The following BMPR2 variants were observed in gnomAD, a reference collection of about 807,000 sequenced individuals.
BMPR2 encodes bone morphogenetic protein receptor type 2, also known as bone morphogenetic protein receptor type-2.
A neutral mutation model predicts 100.8 loss-of-function variants in BMPR2; 29 were observed. That is an observed-to-expected ratio of 0.29 (90% CI 0.21 to 0.39). The LOEUF is 0.39. Among genes scored for constraint, BMPR2 ranks in the 10% least tolerant of loss-of-function variants. BMPR2 has a pLI of 1.00. For missense variants in BMPR2, 1,011 were observed against 1,274.5 expected (o/e 0.79, Z 3.15); for synonymous variants, 382 against 442.3 (o/e 0.86, Z 1.71).
chr2:202,541,536 G>A (rs1031436878), intron 9 of BMPR2, among the ~76,000 whole-genome samples: 3 of 152,154 alleles, frequency 2.0e-5, no homozygotes, highest in African/African-American at 4.8e-5. Flanking sequence ...TAGAACCAAT[G>A]ATGTAATGAG....
chr2:202,414,762 CAG>C (rs1287668846), intron 1 of BMPR2, among the ~76,000 whole-genome samples: 4 of 152,126 alleles, frequency 2.6e-5, no homozygotes, highest in African/African-American at 7.2e-5. Flanking sequence ...CTTTTGGAGA[CAG>C]AGTCTCCCTC....
At chr2:202,398,469 CAGG>C (rs1000211927) in intron 1 of BMPR2, among the ~76,000 whole-genome samples, 1 of 152,162 alleles carries the variant, frequency 6.6e-6, no homozygotes, top group Non-Finnish European at 1.5e-5. Flanking sequence ...ATGAAGGAGG[CAGG>C]AGGCCATTTA....
intron 1 of BMPR2, among the ~76,000 whole-genome samples, chr2:202,405,509 A>C (rs1334919574): frequency 2.0e-5 from 3 of 151,976 alleles, no homozygotes; most frequent in Admixed American, 2.0e-4. Flanking sequence ...TAACACGGTG[A>C]AACCCCGTCT....
rs146027217 is a variant in BMPR2 at position 202,559,716 on chromosome 2, G to C, written c.2887G>C (p.Gly963Arg). Residue 963 changes from glycine (G) to arginine (R), a missense_variant, in exon 13 of 13, where the codon GGC becomes CGC. By Grantham distance (125) the Gly-to-Arg change is moderately radical (BLOSUM62 -2). Around this residue, in one of 6 missense-constraint regions of BMPR2, gnomAD observed 508 missense variants for 552.0 expected, o/e 0.92. Coordinates refer to ENST00000374580, the MANE Select transcript of BMPR2 (RefSeq NM_001204.7). ...SIQIGESTQD[G>R]KSGSGEKIKK... ...TTCAGTAGGTGAGTCAACACAAGAT[G>C]GCAAATCAGGATCAGGTGAAAAGAT... The C allele has an allele frequency of 1.2e-6, 2 of 1,614,096 alleles. No homozygotes were observed. The highest frequency in any genetic ancestry group is 2.2e-5 in the South Asian group (2 of 91,054).
At position 202,413,852 on chromosome 2, in the gene BMPR2, A is replaced by G. The variant is rs531527071; in HGVS notation, c.76+36302A>G. 1.1e-4 allele frequency among the ~76,000 whole-genome samples: 16 copies of G among 152,166 alleles called. No individual in the cohort carries two copies. In the South Asian group the frequency reaches 3.3e-3, roughly 32 times the overall value. ...CAAATTTTTTGTATTTTTAGTAGAG[A>G]TGAGGTTTCACCATGTTGCCTAGGC... On this transcript the variant is annotated intron_variant, in intron 1 of 12. Transcript: ENST00000374580.
In BMPR2 at chr2:202,540,891, C is replaced by T. The variant is rs562340580; in HGVS notation, c.1277-1420C>T. On this transcript the variant is annotated intron_variant, in intron 9 of 12. Transcript: ENST00000374580. ...TTGTCATTTTAATAGGGTGGGAGGA[C>T]GGGTAAAGAGACAGGAACAGTCTCT... Among the ~76,000 whole-genome samples, 13 of 152,038 alleles carry T rather than the reference C, an allele frequency of 8.6e-5. No individual in the cohort carries two copies. In the East Asian group the frequency reaches 1.2e-3, roughly 14 times the overall value.
rs893642049 is a variant in BMPR2 at position 202,532,800 on chromosome 2, A to G, written c.1276+68A>G. The G allele has an allele frequency of 2.6e-6, 4 of 1,525,562 alleles. No homozygotes were observed. The highest frequency in any genetic ancestry group is 1.4e-5 in the African/African-American group (1 of 73,136). 94.5% of individuals were successfully genotyped at this position (1,525,562 alleles called of 1,614,324 possible). On this transcript the variant is annotated intron_variant, in intron 9 of 12. Coordinates refer to ENST00000374580, the MANE Select transcript of BMPR2 (RefSeq NM_001204.7). The surrounding 1 kb of genome is among the most constrained non-coding windows in gnomAD (Gnocchi z 4.1). Reference sequence around the variant, plus strand: ...AGTTATATCTTCTTTCTCTACCTATAGTACCTAACTCAACTTTTATGTAAG... The same window carrying G: ...AGTTATATCTTCTTTCTCTACCTATGGTACCTAACTCAACTTTTATGTAAG...
intron 9 of BMPR2, among the ~76,000 whole-genome samples, chr2:202,535,413 C>T (rs1467746922): frequency 7.3e-5 from 11 of 149,710 alleles, no homozygotes; most frequent in Non-Finnish European, 1.2e-4. Context: ...GACGGGGTCT[C>T]GGCTGGGCAG....
At chr2:202,443,152 A>G (rs1574451916) in intron 1 of BMPR2, among the ~76,000 whole-genome samples, 1 of 150,724 alleles carries the variant, frequency 6.6e-6, no homozygotes, top group Admixed American at 6.6e-5. Context: ...AGCTCTCACC[A>G]GGAACTGATG....
At chr2:202,550,330 G>A (rs1389765668) in intron 10 of BMPR2, among the ~76,000 whole-genome samples, 2 of 146,762 alleles carry the variant, frequency 1.4e-5, no homozygotes, top group East Asian at 2.0e-4. Context: ...CCGAGATCGC[G>A]CCATTGCACT....
chr2:202,438,183 C>G (rs1691654959), intron 1 of BMPR2, among the ~76,000 whole-genome samples: 1 of 150,174 alleles, frequency 6.7e-6, no homozygotes, highest in African/African-American at 2.5e-5. Context: ...CATGGTGGCG[C>G]ATGCCTGTAA....
chr2:202,464,210 T>C (rs2350809), intron 1 of BMPR2, among the ~76,000 whole-genome samples: 15,063 of 150,750 alleles, frequency 0.1, 1,031 homozygotes, highest in South Asian at 0.25. Flanking sequence ...GTATAATTTA[T>C]ACCTGAAGTT....
intron 1 of BMPR2, among the ~76,000 whole-genome samples, chr2:202,396,543 C>G (rs1483702083): frequency 6.6e-6 from 1 of 152,068 alleles, no homozygotes; most frequent in Non-Finnish European, 1.5e-5. Flanking sequence ...TTTGGGACAT[C>G]TAGGCTTATC....
chr2:202,537,310 G>A (rs1688178986), intron 9 of BMPR2, among the ~76,000 whole-genome samples: 1 of 152,170 alleles, frequency 6.6e-6, no homozygotes, highest in Non-Finnish European at 1.5e-5. Flanking sequence ...TTTTTCATCA[G>A]ATTAGTACAC....
Position 202,428,386 on chromosome 2 carries a change from C to G in BMPR2, c.77-36423C>G, listed in dbSNP as rs527925828. Among the ~76,000 whole-genome samples the G allele has an allele frequency of 1.4e-3, 206 of 150,566 alleles. 1 individual carries two copies. Among genetic ancestry groups the G allele is most frequent in the African/African-American group, 4.7e-3 (194 of 41,158 alleles). ...AGTCTGTCTCTCTCCTTCTGTTTCT[C>G]TCTCTCTCTTTCTCTCTCTCTTTTT... On this transcript the variant is annotated intron_variant, in intron 1 of 12. Transcript: ENST00000374580.
chr2:202,396,052 G>C (rs1332579224), intron 1 of BMPR2, among the ~76,000 whole-genome samples: 1 of 152,226 alleles, frequency 6.6e-6, no homozygotes, highest in Non-Finnish European at 1.5e-5. Context: ...AGGTGGCAAA[G>C]GCACAGTGAT....
intron 1 of BMPR2, among the ~76,000 whole-genome samples, chr2:202,436,917 ATC>A (rs1691626000): frequency 6.6e-6 from 1 of 150,492 alleles, no homozygotes; most frequent in South Asian, 2.1e-4. Flanking sequence ...TTCCTCTCAT[ATC>A]TCTTTTTTTC....
At chr2:202,473,002 T>A (rs1266380320) in intron 3 of BMPR2, among the ~76,000 whole-genome samples, 2 of 152,228 alleles carry the variant, frequency 1.3e-5, no homozygotes, top group Non-Finnish European at 2.9e-5. Flanking sequence ...AGACATTTAG[T>A]CTGCAATTGC....
At position 202,556,371 on chromosome 2, in the gene BMPR2, C is replaced by A. The variant is rs1354385908; in HGVS notation, c.2706C>A (p.Ser902=). 2.5e-6 allele frequency: 4 copies of A among 1,614,020 alleles called. No individual in the cohort carries two copies. Among genetic ancestry groups the A allele is most frequent in the Non-Finnish European group, 3.4e-6 (4 of 1,180,038 alleles). Residue 902 remains serine (S), a synonymous_variant, in exon 12 of 13, where the codon TCC becomes TCA. Coordinates refer to ENST00000374580, the MANE Select transcript of BMPR2 (RefSeq NM_001204.7). ...CACTAGAAGGTGGCCGAACTAATTC[C>A]AATAACAACAACAGCAATCCATGTT... ...ERPLEGGRTN[S]NNNNSNPCSE... is the part of the protein sequence containing the mutation.
Sources: allele counts gnomAD v4.1 joint callset (sites outside exome capture counted in the v4.1 genomes callset), GRCh38; gene constraint gnomAD v4.1.1; regional missense constraint gnomAD v4.1.1; non-coding constraint Gnocchi (gnomAD v3.1); transcripts MANE v1.5; gene names NCBI Gene and HGNC (gene_info 2026-07-23, HGNC 2026-07-21).